Variants in CELF5 observed in about 807,000 individuals in gnomAD.
The protein encoded by CELF5 is CUGBP Elav-like family member 5, also known as CUG-BP and ETR-3 like factor 5.
In CELF5, 6 loss-of-function variants were observed where a neutral mutation model predicts 54.9. The ratio of observed to expected loss-of-function variants is 0.11; its 90% CI spans 0.06 to 0.22. CELF5 has a LOEUF of 0.22. Ranked by LOEUF, CELF5 falls within the 10% of genes least tolerant of loss-of-function variation. The pLI is 1.00. For missense variants in CELF5, 401 were observed against 678.6 expected (o/e 0.59, Z 4.54); for synonymous variants, 271 against 290.9 (o/e 0.93, Z 0.70).
rs779633870 is a variant in CELF5, at chr19:3,282,431, C to T, written c.972C>T (p.Val324=). ...CCATCACCAATGGCTTTGCAGGTGT[C>T]GTGCCCTTTCCAGGTGGGCACCCTG... ...VAPITNGFAG[V]VPFPGGHPAL... The change falls in exon 8 of 13, where the codon GTC becomes GTT. Residue 324 remains valine, a synonymous_variant. Transcript: ENST00000292672. This position sits in a 1 kb window ranked among gnomAD's most constrained non-coding sequence, Gnocchi z 5.2. 5 of 1,613,436 alleles carry T rather than the reference C, an allele frequency of 3.1e-6. No homozygotes were observed. Among genetic ancestry groups the T allele is most frequent in the East Asian group, 2.2e-5 (1 of 44,898 alleles).
rs913118012 is a variant in CELF5, at chr19:3,228,869, G to A, written c.259+3871G>A. On this transcript the variant is annotated intron_variant, in intron 1 of 12. Coordinates refer to ENST00000292672, the MANE Select transcript of CELF5 (RefSeq NM_021938.4). The surrounding 1 kb of genome is among the most constrained non-coding windows in gnomAD (Gnocchi z 6.0). The stretch of plus-strand genomic sequence containing the variant: ...GGGGCTGGGGGTGGCTGGCAGGGTT[G>A]GCCGGCGTGTGTGTGTGTGTGTGTG... Among the ~76,000 whole-genome samples the A allele has an allele frequency of 6.8e-6, 1 of 146,992 alleles. No individual in the cohort carries two copies. The highest frequency in any genetic ancestry group is 6.7e-5 in the Admixed American group (1 of 14,824).
At chr19:3,250,843 G>A (rs773939304) in intron 1 of CELF5, 142 bp from the exon 2 acceptor site, 93 of 632,290 alleles carry the variant, frequency 1.5e-4, no homozygotes, top group Non-Finnish European at 2.2e-4. Context: ...ATTCCGTTGC[G>A]TGGATGCACC....
At chr19:3,284,998 T>TGGCCCTGCCCCCGCCCAG in intron 9 of CELF5, 34 bp downstream of exon 9, 1 of 1,504,256 alleles carries the variant, frequency 6.6e-7, no homozygotes, top group Non-Finnish European at 9.1e-7. Context: ...CGCTGGGCCC[T>TGGCCCTGCCCCCGCCCAG]GGCCCCGCCC....
Position 3,224,888 on chromosome 19 carries a change from G to C in CELF5, c.149G>C (p.Gly50Ala). ...CTGGACGCCATCAAACTCTTCGTGG[G>C]CCAGATCCCGCGGCACCTGGACGAG... ...KDLDAIKLFV[G>A]QIPRHLDEKD... Residue 50 changes from glycine (G) to alanine (A), a missense_variant, in exon 1 of 13, where the codon GGC becomes GCC. Coordinates refer to ENST00000292672, the MANE Select transcript of CELF5 (RefSeq NM_021938.4). 1 of 1,608,664 alleles carries C rather than the reference G, an allele frequency of 6.2e-7. No individual in the cohort carries two copies. Among genetic ancestry groups the C allele is most frequent in the Non-Finnish European group, 8.5e-7 (1 of 1,178,076 alleles).
intron 1 of CELF5, among the ~76,000 whole-genome samples, chr19:3,243,016 G>T (rs1366334803): frequency 1.3e-5 from 2 of 151,994 alleles, no homozygotes; most frequent in African/African-American, 4.8e-5. Flanking sequence ...CTTACCACCT[G>T]TGTGACCTTG....
chr19:3,224,899 C>T lies in CELF5; in HGVS notation c.160C>T (p.Arg54Trp). ...AIKLFVGQIP[R>W]HLDEKDLKPL... The stretch of plus-strand genomic sequence containing the variant: ...CAAACTCTTCGTGGGCCAGATCCCG[C>T]GGCACCTGGACGAGAAGGACCTCAA... The change falls in exon 1 of 13, where the codon CGG becomes TGG. Residue 54 changes from arginine (R) to tryptophan (W), a missense_variant. Coordinates refer to ENST00000292672, the MANE Select transcript of CELF5 (RefSeq NM_021938.4). 1 of 1,608,752 alleles carries T rather than the reference C, an allele frequency of 6.2e-7. No homozygotes were observed. The highest frequency in any genetic ancestry group is 8.5e-7 in the Non-Finnish European group (1 of 1,178,096).
At position 3,284,882 on chromosome 19, in the gene CELF5, G is replaced by A. The variant is rs750786087; in HGVS notation, c.1040-20G>A. On this transcript the variant is annotated intron_variant, in intron 8 of 12. Coordinates refer to ENST00000292672, the MANE Select transcript of CELF5 (RefSeq NM_021938.4). ...ACTTCTGCTGCTCCCGCCCCACTCA[G>A]CCCCTCTGTCTGCCCGCAGCTCAGA... The A allele has an allele frequency of 9.3e-6, 15 of 1,610,646 alleles. No individual in the cohort carries two copies. In the Admixed American group the frequency reaches 2.2e-4, roughly 23 times the overall value.
intron 1 of CELF5, among the ~76,000 whole-genome samples, chr19:3,250,357 C>T (rs1490439453): frequency 5.3e-5 from 8 of 152,068 alleles, no homozygotes; most frequent in Admixed American, 5.2e-4. Flanking sequence ...AGCATGGTGG[C>T]GGGCGCCTGT....
Position 3,273,816 on chromosome 19 carries a change from C to T in CELF5, c.343-56C>T, listed in dbSNP as rs568302702. 1.3e-5 allele frequency: 16 copies of T among 1,257,818 alleles called. 2 individuals carry two copies. The highest frequency in any genetic ancestry group is 3.6e-5 in the South Asian group (3 of 82,806). 77.9% of individuals were successfully genotyped at this position (1,257,818 alleles called of 1,614,324 possible). On this transcript the variant is annotated intron_variant, in intron 2 of 12. Transcript: ENST00000292672. Reference sequence around the variant, plus strand: ...CCTGCAGAGCTCAGGCAAAACCCCCCGCCTGCCACACCCCCACTGCTAAGC... The same window carrying T: ...CCTGCAGAGCTCAGGCAAAACCCCCTGCCTGCCACACCCCCACTGCTAAGC...
intron 1 of CELF5, among the ~76,000 whole-genome samples, chr19:3,248,189 T>A (rs1362771243): frequency 6.6e-6 from 1 of 152,184 alleles, no homozygotes; most frequent in Non-Finnish European, 1.5e-5. Context: ...AGGGTCTCAC[T>A]CTGTTGCCTA....
chr19:3,259,452 G>C (rs1340491108), intron 2 of CELF5, among the ~76,000 whole-genome samples: 1 of 151,630 alleles, frequency 6.6e-6, no homozygotes, highest in African/African-American at 2.4e-5. Flanking sequence ...GCCCGGGGGA[G>C]AGATCCTGTG....
At chr19:3,241,411 A>G (rs1410824112) in intron 1 of CELF5, among the ~76,000 whole-genome samples, 1 of 151,854 alleles carries the variant, frequency 6.6e-6, no homozygotes, top group Non-Finnish European at 1.5e-5. Flanking sequence ...GGCTTTGAAA[A>G]TAGGGTGGGT....
chr19:3,253,624 G>A (rs1443360238), intron 2 of CELF5, among the ~76,000 whole-genome samples: 1 of 152,200 alleles, frequency 6.6e-6, no homozygotes, highest in Admixed American at 6.5e-5. Context: ...CAGGGGTGCA[G>A]AGCAGGGGGG....
intron 2 of CELF5, chr19:3,270,528 C>A (rs1215182847): frequency 6.7e-6 from 1 of 148,974 alleles, no homozygotes; most frequent in Non-Finnish European, 1.5e-5. Context: ...GCGGGCAGGG[C>A]CCGCCTGGGC....
intron 1 of CELF5, among the ~76,000 whole-genome samples, chr19:3,235,105 C>T (rs1215184281): frequency 6.6e-6 from 1 of 152,190 alleles, no homozygotes; most frequent in African/African-American, 2.4e-5. Context: ...CACTGGCCTC[C>T]TTGCTGTTTC....
At chr19:3,261,667 A>T (rs1436169282) in intron 2 of CELF5, among the ~76,000 whole-genome samples, 2 of 151,750 alleles carry the variant, frequency 1.3e-5, no homozygotes, top group African/African-American at 4.8e-5. Flanking sequence ...AAAAAATTTT[A>T]AAAACTACCT....
At chr19:3,235,772 A>AGATG (rs1397348156) in intron 1 of CELF5, among the ~76,000 whole-genome samples, 3 of 34,856 alleles carry the variant, frequency 8.6e-5, no homozygotes, top group African/African-American at 2.5e-4. Flanking sequence ...ATGGGTGGAT[A>AGATG]GATGGATGGA....
intron 11 of CELF5, among the ~76,000 whole-genome samples, chr19:3,291,923 A>G (rs2080355723): frequency 7.3e-6 from 1 of 137,044 alleles, no homozygotes; most frequent in Non-Finnish European, 1.6e-5. Flanking sequence ...CCTGGAGTAG[A>G]ACCAGACTCT....
At chr19:3,234,147 C>T (rs1209778214) in intron 1 of CELF5, among the ~76,000 whole-genome samples, 1 of 152,120 alleles carries the variant, frequency 6.6e-6, no homozygotes, top group Non-Finnish European at 1.5e-5. Flanking sequence ...GAACTTTGTA[C>T]ACATAGGGAA....
Sources: gnomAD v4.1 joint callset for allele counts (sites outside exome capture counted in the v4.1 genomes callset) on GRCh38, gnomAD v4.1.1 for gene constraint, Gnocchi (gnomAD v3.1) non-coding constraint, MANE v1.5 for transcripts, NCBI Gene and HGNC (gene_info 2026-07-23, HGNC 2026-07-21) for gene names.